The following NPEPPS variants were observed in gnomAD, a reference collection of about 807,000 sequenced individuals.
NPEPPS encodes aminopeptidase puromycin sensitive.
NPEPPS carries 14 observed loss-of-function variants against 115.5 expected under a neutral mutation model. The observed-to-expected ratio is 0.12, with a 90% CI of 0.08 to 0.19. The LOEUF (loss-of-function observed/expected upper bound fraction) is 0.19. NPEPPS is among the 10% of genes least tolerant of loss of function. The pLI is 1.00. For synonymous variants in NPEPPS, 285 were observed against 390.6 expected, an observed-to-expected ratio of 0.73 and a Z score of 3.19; for missense variants, 523 against 1,110.8, an observed-to-expected ratio of 0.47 and a Z score of 7.52.
At chr17:47,556,986 C>T (rs886892810) in intron 2 of NPEPPS, among the ~76,000 whole-genome samples, 4 of 152,142 alleles carry the variant, frequency 2.6e-5, no homozygotes, top group Admixed American at 6.6e-5. Context: ...AGTTTTCTTG[C>T]TTTTTTTCTC....
intron 17 of NPEPPS, among the ~76,000 whole-genome samples, chr17:47,610,843 CTCTT>C (rs1380076415): frequency 1.2e-4 from 13 of 108,220 alleles, no homozygotes; most frequent in African/African-American, 4.3e-4. Context: ...CATATGATGA[CTCTT>C]TTTTTTTTTT....
intron 1 of NPEPPS, among the ~76,000 whole-genome samples, chr17:47,543,899 A>G (rs57544092): frequency 0.43 from 52,883 of 122,050 alleles, 7,602 homozygotes; most frequent in Middle Eastern, 0.53. Context: ...TTGTTTATTT[A>G]TTTATTTATT....
At chr17:47,547,426 A>G (rs1481118995) in intron 2 of NPEPPS, among the ~76,000 whole-genome samples, 2 of 150,652 alleles carry the variant, frequency 1.3e-5, no homozygotes, top group Non-Finnish European at 3.0e-5. Context: ...AACTACCACA[A>G]CCTCTGTCTC....
At chr17:47,565,227 G>C (rs1910721264) in intron 2 of NPEPPS, among the ~76,000 whole-genome samples, 1 of 152,058 alleles carries the variant, frequency 6.6e-6, no homozygotes, top group African/African-American at 2.4e-5. Flanking sequence ...GAAGTGATTT[G>C]AGGCTGGGCG....
chr17:47,580,305 A>G (rs1233130369), intron 4 of NPEPPS: 6 of 152,132 alleles, frequency 3.9e-5, no homozygotes, highest in Admixed American at 2.0e-4. Context: ...TGCCACAGAT[A>G]TTTAGGTTTA....
chr17:47,610,405 A>G (rs1399419008), intron 17 of NPEPPS, among the ~76,000 whole-genome samples: 1 of 150,788 alleles, frequency 6.6e-6, no homozygotes, highest in Admixed American at 6.6e-5. Context: ...GGGGGGGGGT[A>G]ACAGAGTCTC....
At chr17:47,539,776 T>A (rs1213853908) in intron 1 of NPEPPS, among the ~76,000 whole-genome samples, 1 of 152,232 alleles carries the variant, frequency 6.6e-6, no homozygotes, top group Non-Finnish European at 1.5e-5. Flanking sequence ...CAATGTTTCT[T>A]GTTAGAAAAC....
Position 47,531,373 on chromosome 17 carries a change from C to G in NPEPPS, c.73C>G (p.Leu25Val). 6.5e-7 allele frequency: 1 copy of G among 1,538,188 alleles called. No individual in the cohort carries two copies. Among genetic ancestry groups the G allele is most frequent in the Non-Finnish European group, 8.8e-7 (1 of 1,138,378 alleles). Residue 25 changes from leucine to valine, a missense_variant, in exon 1 of 23, where the codon CTC becomes GTC. Coordinates refer to ENST00000322157, the MANE Select transcript of NPEPPS (RefSeq NM_006310.4). ...CCTCGGCCCTCCGCCTCCTCCCCTC[C>G]TCCTTCTCGTCTTCAGCCGCTCCTC... ...LFLGPPPPPL[L>V]LLVFSRSSRR...
intron 1 of NPEPPS, among the ~76,000 whole-genome samples, chr17:47,542,394 A>G (rs142144927): frequency 1.2e-4 from 19 of 152,200 alleles, no homozygotes; most frequent in Non-Finnish European, 2.2e-4. Context: ...TAGAAATACA[A>G]AATTTACCGG....
chr17:47,610,207 A>T (rs1386293407), intron 17 of NPEPPS, among the ~76,000 whole-genome samples: 1 of 126,046 alleles, frequency 7.9e-6, no homozygotes, highest in Non-Finnish European at 1.6e-5. Context: ...GTCCACTGGC[A>T]GTCACTCTCC....
At chr17:47,587,951 TA>T (rs1912291621) in intron 9 of NPEPPS, among the ~76,000 whole-genome samples, 1 of 151,512 alleles carries the variant, frequency 6.6e-6, no homozygotes, top group Admixed American at 6.6e-5. Flanking sequence ...ACTCTTACTC[TA>T]AGTAAATACT....
chr17:47,613,979 ATTT>A (rs113187043), intron 19 of NPEPPS, among the ~76,000 whole-genome samples: 1 of 141,282 alleles, frequency 7.1e-6, no homozygotes, highest in Admixed American at 7.2e-5. Context: ...TCTTATTATT[ATTT>A]TTTTTTTTTT....
chr17:47,547,017 GTTT>G (rs1234079900), intron 2 of NPEPPS, among the ~76,000 whole-genome samples: 2 of 151,450 alleles, frequency 1.3e-5, no homozygotes. Context: ...TTTTCTTAAA[GTTT>G]TTTTTTCTTT....
intron 3 of NPEPPS, among the ~76,000 whole-genome samples, chr17:47,571,678 A>C (rs544241142): frequency 1.3e-5 from 2 of 152,322 alleles, no homozygotes; most frequent in South Asian, 4.1e-4. Flanking sequence ...AGATCGCACC[A>C]CTGCACTCCA....
intron 2 of NPEPPS, chr17:47,559,745 C>A (rs1567846853): frequency 1.3e-5 from 5 of 384,434 alleles, no homozygotes; most frequent in South Asian, 9.2e-5. Context: ...ACTCAAGCCT[C>A]TTGTCTTGTC....
intron 3 of NPEPPS, among the ~76,000 whole-genome samples, chr17:47,571,984 C>T (rs986528451): frequency 6.6e-6 from 1 of 152,012 alleles, no homozygotes; most frequent in Non-Finnish European, 1.5e-5. Context: ...GCCATATCAC[C>T]AACTCTACTG....
chr17:47,555,065 ACT>A (rs751834052), intron 2 of NPEPPS, among the ~76,000 whole-genome samples: 6 of 152,082 alleles, frequency 3.9e-5, no homozygotes, highest in Non-Finnish European at 7.4e-5. Flanking sequence ...ATAAGGGGGG[ACT>A]TGTCAGGTCT....
chr17:47,619,451 G>A, intron 21 of NPEPPS: 2 of 508,974 alleles, frequency 3.9e-6, no homozygotes, highest in Non-Finnish European at 7.1e-6. Flanking sequence ...CTACTTGGGA[G>A]GCTGAGGCAG....
chr17:47,594,503 C>T (rs12937560), intron 12 of NPEPPS, among the ~76,000 whole-genome samples: 67,391 of 150,212 alleles, frequency 0.45, 16,119 homozygotes, highest in East Asian at 0.55. Context: ...CTCCGCCTCC[C>T]GGGTTCAAGT....
Sources: allele counts gnomAD v4.1 joint callset (sites outside exome capture counted in the v4.1 genomes callset), GRCh38; gene constraint gnomAD v4.1.1; transcripts MANE v1.5; gene names NCBI Gene and HGNC (gene_info 2026-07-23, HGNC 2026-07-21).